ABLIM1: variants seen among roughly 807,000 people sequenced by gnomAD.
ABLIM1 encodes the protein actin binding LIM protein 1.
Under a neutral mutation model 107.0 loss-of-function variants are expected in ABLIM1, and 40 were observed. The observed-to-expected ratio is 0.37, with a 90% CI of 0.29 to 0.49. The LOEUF (loss-of-function observed/expected upper bound fraction) is 0.49, where lower values mean the gene tolerates loss of function less well. ABLIM1 is among the 20% of genes least tolerant of loss of function. The probability of loss-of-function intolerance (pLI) is 0.97; values close to 1 mark genes in which losing one functional copy is unlikely to be tolerated. For missense variants in ABLIM1, 857 were observed against 1,008.5 expected (o/e 0.85, Z 2.04); for synonymous variants, 357 against 357.3 (o/e 1.00, Z 0.01).
chr10:114,588,041 G>GCA (rs1591424253), intron 2 of ABLIM1, among the ~76,000 whole-genome samples: 3 of 152,194 alleles, frequency 2.0e-5, no homozygotes, highest in African/African-American at 4.8e-5. Context: ...GATCACGTCT[G>GCA]TATATAACTT....
chr10:114,627,405 C>T (rs185589442), intron 1 of ABLIM1, among the ~76,000 whole-genome samples: 234 of 152,272 alleles, frequency 1.5e-3, no homozygotes, highest in African/African-American at 5.4e-3. Context: ...TAAACATCTA[C>T]ATAATATTAG....
chr10:114,744,895 C>T (rs1408783704), intron 1 of ABLIM1, among the ~76,000 whole-genome samples: 1 of 151,978 alleles, frequency 6.6e-6, no homozygotes, highest in South Asian at 2.1e-4. Flanking sequence ...CTGGCCTGAC[C>T]ACCCCCTTGG....
chr10:114,725,313 A>G (rs2081933172), intron 1 of ABLIM1, among the ~76,000 whole-genome samples: 1 of 152,194 alleles, frequency 6.6e-6, no homozygotes, highest in Admixed American at 6.5e-5. Flanking sequence ...CCAAACAAGC[A>G]ACAGAGACAA....
rs558950726 is a variant in ABLIM1 at position 114,480,979 on chromosome 10, T to A, written c.1041+6979A>T. Among the ~76,000 whole-genome samples the A allele has an allele frequency of 1.3e-4, 20 of 152,344 alleles. 1 individual carries two copies. In the East Asian group the frequency reaches 3.5e-3, roughly 26 times the overall value. ...AAAGCACATCTTTTTGTTTTCTTCA[T>A]GAAATCTCTTTGAAAAGCCCTCTAA... On this transcript the variant is annotated intron_variant, in intron 8 of 22. Coordinates refer to ENST00000533213, the MANE Select transcript of ABLIM1 (RefSeq NM_002313.7).
the ABLIM1 span, among the ~76,000 whole-genome samples, chr10:114,786,578 T>C: frequency 6.6e-6 from 1 of 152,194 alleles, no homozygotes; most frequent in Admixed American, 6.5e-5. Context: ...ACATTTGTCA[T>C]AGGTCTCTTG....
chr10:114,676,381 G>A (rs1422757248), intron 1 of ABLIM1, among the ~76,000 whole-genome samples: 1 of 152,080 alleles, frequency 6.6e-6, no homozygotes, highest in Admixed American at 6.5e-5. Context: ...GGAGGCTGAG[G>A]CAGGAGAATG....
intron 1 of ABLIM1, among the ~76,000 whole-genome samples, chr10:114,729,315 C>T (rs1250060164): frequency 6.6e-6 from 1 of 152,112 alleles, no homozygotes; most frequent in African/African-American, 2.4e-5. Flanking sequence ...TCCACTCAGC[C>T]TGGCAGCACC....
intron 6 of ABLIM1, among the ~76,000 whole-genome samples, chr10:114,527,588 C>A (rs2064961832): frequency 6.6e-6 from 1 of 151,836 alleles, no homozygotes; most frequent in Admixed American, 6.6e-5. Context: ...GGAAGTTTCT[C>A]CAGTGATGGC....
intron 4 of ABLIM1, among the ~76,000 whole-genome samples, chr10:114,563,680 C>G (rs1392010103): frequency 6.6e-6 from 1 of 150,656 alleles, no homozygotes; most frequent in Non-Finnish European, 1.5e-5. Flanking sequence ...ACAAAAAATA[C>G]ACACGCAAAA....
At chr10:114,754,162 GT>G (rs1459707134) in intron 1 of ABLIM1, among the ~76,000 whole-genome samples, 1 of 152,118 alleles carries the variant, frequency 6.6e-6, no homozygotes, top group Non-Finnish European at 1.5e-5. Flanking sequence ...CTCTGGTCAG[GT>G]TTAAGAGAAC....
chr10:114,534,935 C>T (rs1208489070), intron 6 of ABLIM1, among the ~76,000 whole-genome samples: 2 of 152,210 alleles, frequency 1.3e-5, no homozygotes, highest in African/African-American at 2.4e-5. Flanking sequence ...TCTGCTGGTG[C>T]CCTGGCACAA....
chr10:114,436,339 A>C lies in ABLIM1; in HGVS notation c.2258T>G (p.Phe753Cys). ...HLAPEVFREIFGMSIQEFDRL... is the reference protein window; with the variant it reads ...HLAPEVFREICGMSIQEFDRL... Reference sequence around the variant, plus strand: ...GTCAAACTCCTGTATGGACATTCCAAAGATTTCCCGAAACACTTCAGGGGC... The same window carrying C: ...GTCAAACTCCTGTATGGACATTCCACAGATTTCCCGAAACACTTCAGGGGC... Residue 753 changes from phenylalanine to cysteine, a missense_variant, in exon 23 of 23, where the codon TTT becomes TGT. Physicochemically the swap from Phe to Cys is radical, Grantham distance 205. This residue lies in a region of ABLIM1 where 193 missense variants were observed against 208.5 expected (regional missense o/e 0.93). Transcript: ENST00000533213. 1 of 1,614,074 alleles carries C rather than the reference A, an allele frequency of 6.2e-7. No individual in the cohort carries two copies. The highest frequency in any genetic ancestry group is 8.5e-7 in the Non-Finnish European group (1 of 1,179,986).
At chr10:114,746,719 T>C (rs1332738324) in intron 1 of ABLIM1, among the ~76,000 whole-genome samples, 1 of 152,228 alleles carries the variant, frequency 6.6e-6, no homozygotes, top group African/African-American at 2.4e-5. Flanking sequence ...TCACCAACGC[T>C]CATCTTCTGT....
intron 8 of ABLIM1, among the ~76,000 whole-genome samples, chr10:114,476,384 G>A (rs902655235): frequency 2.0e-5 from 3 of 152,282 alleles, no homozygotes; most frequent in African/African-American, 7.2e-5. Flanking sequence ...GCTCACACCT[G>A]TAATCCCAGC....
intron 3 of ABLIM1, 30 bp downstream of exon 3, chr10:114,575,386 T>A: frequency 6.2e-7 from 1 of 1,606,234 alleles, no homozygotes; most frequent in Non-Finnish European, 8.5e-7. Flanking sequence ...TGGAGGAAGG[T>A]GTAGGCTTTG....
intron 1 of ABLIM1, chr10:114,690,249 T>C (rs920356517): frequency 1.0e-5 from 15 of 1,505,688 alleles, no homozygotes; most frequent in Non-Finnish European, 1.4e-5. Flanking sequence ...TTCTTTCATC[T>C]TGCCAAAGAC....
At position 114,435,049 on chromosome 10, in the gene ABLIM1, C is replaced by T. The variant is rs2059236452; in HGVS notation, c.*1211G>A. On this transcript the variant is annotated 3_prime_UTR_variant, in exon 23 of 23. Transcript: ENST00000533213. Reference sequence around the variant, plus strand: ...ACATTCAAGCAGAAATTAAAAAGCACATGCATGCTCACAAAATTACTCTGG... The same window carrying T: ...ACATTCAAGCAGAAATTAAAAAGCATATGCATGCTCACAAAATTACTCTGG... 1 of 152,184 alleles carries T rather than the reference C, an allele frequency of 6.6e-6. No individual in the cohort carries two copies. The highest frequency in any genetic ancestry group is 1.5e-5 in the Non-Finnish European group (1 of 68,040). The allele number at this position is 152,184 out of a possible 1,614,324, so 9.4% of individuals were successfully genotyped here.
intron 6 of ABLIM1, among the ~76,000 whole-genome samples, chr10:114,535,951 G>A (rs997172532): frequency 6.6e-6 from 1 of 152,112 alleles, no homozygotes; most frequent in African/African-American, 2.4e-5. Context: ...TTACCAGGGG[G>A]ATGGTGGTCC....
rs1291800339 is a variant in ABLIM1 at position 114,434,065 on chromosome 10, C to T, written c.*2195G>A. The T allele has an allele frequency of 6.6e-6, 1 of 152,192 alleles. No homozygotes were observed. The highest frequency in any genetic ancestry group is 1.5e-5 in the Non-Finnish European group (1 of 68,050). 9.4% of individuals were successfully genotyped at this position (152,192 alleles called of 1,614,324 possible). A position where few individuals can be genotyped will look rare whatever the true frequency, so the allele number is the denominator to read the frequency against. On this transcript the variant is annotated 3_prime_UTR_variant, in exon 23 of 23. Coordinates refer to ENST00000533213, the MANE Select transcript of ABLIM1 (RefSeq NM_002313.7). ...CATCCCCACACTTTCCAGAGTAAAG[C>T]AAGGATGAGGACACCCAGGCATTGT...
Sources: allele counts gnomAD v4.1 joint callset (sites outside exome capture counted in the v4.1 genomes callset), GRCh38; gene constraint gnomAD v4.1.1; regional missense constraint gnomAD v4.1.1; transcripts MANE v1.5; gene names NCBI Gene and HGNC (gene_info 2026-07-23, HGNC 2026-07-21).